USP30: variants seen among roughly 807,000 people sequenced by gnomAD.
USP30 encodes ubiquitin specific peptidase 30, also known as ubiquitin carboxyl-terminal hydrolase 30.
Under a neutral mutation model 68.2 loss-of-function variants are expected in USP30, and 41 were observed. That is an observed-to-expected ratio of 0.60 (90% CI 0.47 to 0.78). The LOEUF (loss-of-function observed/expected upper bound fraction) is 0.78, where lower values mean the gene tolerates loss of function less well. Among genes scored for constraint, USP30 ranks in the 30% least tolerant of loss-of-function variants. The pLI is 0.00. For missense variants in USP30, 522 were observed against 649.4 expected (o/e 0.80, Z 2.13); for synonymous variants, 229 against 253.7 (o/e 0.90, Z 0.93).
intron 3 of USP30, among the ~76,000 whole-genome samples, chr12:109,059,078 A>G (rs1478543349): frequency 2.0e-5 from 3 of 152,236 alleles, no homozygotes; most frequent in Non-Finnish European, 2.9e-5. Context: ...ACTAGCCTGA[A>G]AAATGGAGTC....
chr12:109,027,657 TA>T (rs1320188866), intron 3 of USP30: 2 of 152,230 alleles, frequency 1.3e-5, no homozygotes, highest in Non-Finnish European at 2.9e-5. Flanking sequence ...TTGTCCTTTT[TA>T]TGTGGCTTAT....
chr12:109,055,387 T>C (rs1379539120), intron 1 of USP30, among the ~76,000 whole-genome samples: 2 of 56,494 alleles, frequency 3.5e-5, no homozygotes, highest in Non-Finnish European at 6.5e-5. Flanking sequence ...TACATATATA[T>C]ATATATATAT....
chr12:109,055,369 C>CATATATATACATATAT (rs1555257176), intron 1 of USP30, among the ~76,000 whole-genome samples: 6 of 68,788 alleles, frequency 8.7e-5, no homozygotes, highest in South Asian at 1.1e-3. Context: ...TACACACACA[C>CATATATATACATATAT]ATATATATAC....
rs1211792802 is a variant in USP30 at position 109,072,213 on chromosome 12, G to A, written c.580-92G>A. On this transcript the variant is annotated intron_variant, in intron 5 of 12. Transcript: ENST00000257548. ...GTTGATTTTTAGTGGTGTAATCAACGTAGAAACTTGTAAGGTTTAGGGGTG... is the reference window on the plus strand; with the variant it reads ...GTTGATTTTTAGTGGTGTAATCAACATAGAAACTTGTAAGGTTTAGGGGTG... 8.8e-6 allele frequency: 10 copies of A among 1,133,664 alleles called. No individual in the cohort carries two copies. The East Asian group carries it at 9.5e-5, about 11-fold the overall frequency. The allele number at this position is 1,133,664 out of a possible 1,614,324, so 70.2% of individuals were successfully genotyped here.
At chr12:109,024,907 C>T (rs990593852) in exon 2 of USP30, 6 of 152,398 alleles carry the variant, frequency 3.9e-5, no homozygotes, top group Admixed American at 2.0e-4. Flanking sequence ...GCGTGAACCA[C>T]CACACCAGCC....
chr12:109,076,680 C>G (rs1190131661), intron 7 of USP30, among the ~76,000 whole-genome samples: 1 of 150,178 alleles, frequency 6.7e-6, no homozygotes, highest in South Asian at 2.1e-4. Context: ...TTGAAATGAT[C>G]ATATTTTAGT....
intron 5 of USP30, 118 bp downstream of exon 5, chr12:109,071,828 T>C (rs2041453480): frequency 1.0e-6 from 1 of 972,628 alleles, no homozygotes; most frequent in South Asian, 1.6e-5. Context: ...AAATCAGTGG[T>C]GGGAATGAGG....
At chr12:109,032,602 A>T (rs2040490337) in intron 3 of USP30, among the ~76,000 whole-genome samples, 1 of 152,210 alleles carries the variant, frequency 6.6e-6, no homozygotes, top group Admixed American at 6.5e-5. Context: ...CAGAATAGGC[A>T]AATCCATAGA....
chr12:109,023,750 G>T (rs546663757), intron 1 of USP30, among the ~76,000 whole-genome samples: 1 of 146,348 alleles, frequency 6.8e-6, no homozygotes, highest in African/African-American at 2.5e-5. Context: ...TCTCTGCCTC[G>T]GCCTCCCAAG....
chr12:109,032,654 G>A (rs1227965963), intron 3 of USP30, among the ~76,000 whole-genome samples: 1 of 152,210 alleles, frequency 6.6e-6, no homozygotes, highest in Non-Finnish European at 1.5e-5. Context: ...TGGGGTTGTG[G>A]AGGGGGAAAT....
intron 1 of USP30, among the ~76,000 whole-genome samples, chr12:109,055,606 G>C: frequency 6.8e-6 from 1 of 146,670 alleles, no homozygotes; most frequent in Non-Finnish European, 1.5e-5. Context: ...CACCGTGTTG[G>C]CCAGGCTGGT....
chr12:109,073,124 A>G (rs1170030611), intron 6 of USP30, among the ~76,000 whole-genome samples: 1 of 152,232 alleles, frequency 6.6e-6, no homozygotes, highest in African/African-American at 2.4e-5. Context: ...CACTTGTGGT[A>G]TCCTTCTTTT....
chr12:109,060,759 ATTCT>A (rs2041038236), intron 3 of USP30, among the ~76,000 whole-genome samples: 1 of 151,952 alleles, frequency 6.6e-6, no homozygotes. Context: ...GGTTCAAGCA[ATTCT>A]CCTGCCTCAG....
Position 109,057,624 on chromosome 12 carries a change from G to A in USP30, c.194-302G>A, listed in dbSNP as rs368241694. Among the ~76,000 whole-genome samples, 7 of 152,304 alleles carry A rather than the reference G, an allele frequency of 4.6e-5. No homozygotes were observed. The South Asian group carries it at 1.5e-3, about 32-fold the overall frequency. ...GAGAATGAGGAAGAGAAAAAGACAG[G>A]AGATGGTTACTAAGTGTTTTTGTAC... On this transcript the variant is annotated intron_variant, in intron 2 of 12. Coordinates refer to ENST00000257548, the MANE Select transcript of USP30 (RefSeq NM_032663.5).
chr12:109,032,199 G>A (rs1593220058), intron 3 of USP30, among the ~76,000 whole-genome samples: 2 of 152,206 alleles, frequency 1.3e-5, no homozygotes, highest in Non-Finnish European at 2.9e-5. Context: ...AGCTACTTGG[G>A]AGGCTGAGTC....
At position 109,086,584 on chromosome 12, in the gene USP30, T is replaced by G. The variant is rs993701136; in HGVS notation, c.*653T>G. ...CCCCCTGGGGAAACTCTTTCACTAC[T>G]TTGTCAGTTATAAGTGAAGAGCTTA... On this transcript the variant is annotated 3_prime_UTR_variant, in exon 13 of 13. Transcript: ENST00000257548. The G allele has an allele frequency of 1.3e-5, 2 of 152,458 alleles. No homozygotes were observed. The highest frequency in any genetic ancestry group is 4.8e-5 in the African/African-American group (2 of 41,474). The allele number at this position is 152,458 out of a possible 1,614,324, so 9.4% of individuals were successfully genotyped here. A position where few individuals can be genotyped will look rare whatever the true frequency, so the allele number is the denominator to read the frequency against.
chr12:109,085,975 T>C lies in USP30; in HGVS notation c.*44T>C, dbSNP rs556079319. 2.5e-6 allele frequency: 4 copies of C among 1,583,542 alleles called. No homozygotes were observed. The South Asian group carries it at 3.4e-5, about 13-fold the overall frequency. ...CTAGAGCTGATGGCACTGTCTGCAC[T>C]GTCCAGGAAAAAAGTAAAACTGTAC... On this transcript the variant is annotated 3_prime_UTR_variant, in exon 13 of 13. Coordinates refer to ENST00000257548, the MANE Select transcript of USP30 (RefSeq NM_032663.5).
chr12:109,061,668 C>G (rs1361576078), intron 3 of USP30, among the ~76,000 whole-genome samples: 1 of 152,074 alleles, frequency 6.6e-6, no homozygotes, highest in Non-Finnish European at 1.5e-5. Flanking sequence ...CCTTGGCCTC[C>G]CAGAGTGCTG....
rs112536202 is a variant in USP30 at position 109,032,966 on chromosome 12, C to T, written c.-136+5410C>T. Among the ~76,000 whole-genome samples the T allele has an allele frequency of 1.7e-3, 264 of 152,228 alleles. 3 individuals are homozygous for T. The highest frequency in any genetic ancestry group is 5.9e-3 in the African/African-American group (246 of 41,546). ...CTGGAATAGAGACTGACAAGCTGCCCCTTAGCCTGAAATACTGAAAATAAA... is the reference window on the plus strand; with the variant it reads ...CTGGAATAGAGACTGACAAGCTGCCTCTTAGCCTGAAATACTGAAAATAAA... On this transcript the variant is annotated intron_variant, in intron 3 of 15. Transcript: ENST00000392784.
Sources: gnomAD v4.1 joint callset for allele counts (sites outside exome capture counted in the v4.1 genomes callset) on GRCh38, gnomAD v4.1.1 for gene constraint, MANE v1.5 for transcripts, NCBI Gene and HGNC (gene_info 2026-07-23, HGNC 2026-07-21) for gene names.